Variants in CBLN3 observed in about 807,000 individuals in gnomAD.
The protein encoded by CBLN3 is cerebellin 3 precursor.
A neutral mutation model predicts 17.4 loss-of-function variants in CBLN3; 14 were observed. The observed-to-expected ratio is 0.81, with a 90% CI of 0.53 to 1.26. CBLN3 has a LOEUF of 1.26. CBLN3 is among the 50% of genes most tolerant of loss of function. The pLI, the probability that CBLN3 is intolerant of heterozygous loss-of-function variation, is 0.00. For missense variants in CBLN3, 263 were observed against 268.5 expected, an observed-to-expected ratio of 0.98 and a Z score of 0.14; for synonymous variants, 129 against 117.4, an observed-to-expected ratio of 1.10 and a Z score of -0.64.
chr14:24,428,641 G>T, intron 1 of CBLN3, 114 bp downstream of exon 1: 1 of 1,279,800 alleles, frequency 7.8e-7, no homozygotes, highest in Non-Finnish European at 1.1e-6. Context: ...ATTAGTGAAA[G>T]ATGTAGGAAG....
At chr14:24,428,662 A>T (rs1028077955) in intron 1 of CBLN3, 93 bp downstream of exon 1, 65 of 1,404,642 alleles carry the variant, frequency 4.6e-5, no homozygotes, top group Non-Finnish European at 1.6e-5. Flanking sequence ...CTGTTTTCTT[A>T]AAGCCTCAGA....
At position 24,427,838 on chromosome 14, in the gene CBLN3, C is replaced by T; in HGVS notation, c.569G>A (p.Gly190Asp). ...SLRLRRGNLL[G>D]GWKYSSFSGF... ...AGAGAAACTTGAGTATTTCCAACCACCCAGTAGATTCCCCCGACGCAGGCG... is the reference window on the plus strand; with the variant it reads ...AGAGAAACTTGAGTATTTCCAACCATCCAGTAGATTCCCCCGACGCAGGCG... The change falls in exon 3 of 3, where the codon GGT becomes GAT. Residue 190 changes from glycine to aspartate, a missense_variant. Coordinates refer to ENST00000267406, the MANE Select transcript of CBLN3 (RefSeq NM_001039771.3). This position sits in a 1 kb window ranked among gnomAD's most constrained non-coding sequence, Gnocchi z 4.4. 6.2e-7 allele frequency: 1 copy of T among 1,614,118 alleles called. No individual in the cohort carries two copies. Among genetic ancestry groups the T allele is most frequent in the Non-Finnish European group, 8.5e-7 (1 of 1,180,008 alleles).
chr14:24,429,396 A>G lies in CBLN3; in HGVS notation c.-342T>C. On this transcript the variant is annotated 5_prime_UTR_variant, in exon 1 of 3. Transcript: ENST00000267406. ...AGCACTGAGGGCTGGACCTGGGGGGATGGAGAACATGGTATGTGTGTGTGA... is the reference window on the plus strand; with the variant it reads ...AGCACTGAGGGCTGGACCTGGGGGGGTGGAGAACATGGTATGTGTGTGTGA... The G allele has an allele frequency of 5.2e-6, 3 of 580,650 alleles. No homozygotes were observed. Among genetic ancestry groups the G allele is most frequent in the Admixed American group, 2.2e-5 (1 of 46,110 alleles). 36.0% of individuals were successfully genotyped at this position (580,650 alleles called of 1,614,324 possible).
Position 24,427,688 on chromosome 14 carries a change from G to A in CBLN3, c.*101C>T. The A allele has an allele frequency of 9.3e-7, 1 of 1,073,398 alleles. No homozygotes were observed. Among genetic ancestry groups the A allele is most frequent in the Middle Eastern group, 2.1e-4 (1 of 4,744 alleles). The allele number at this position is 1,073,398 out of a possible 1,614,324, so 66.5% of individuals were successfully genotyped here. ...TCCCATGCAAAGAGGTGGGATAGGA[G>A]CCAGAGGGAGTCTCTCTCCTGCCTC... is the stretch of plus-strand genomic sequence containing the variant. On this transcript the variant is annotated 3_prime_UTR_variant, in exon 3 of 3. Coordinates refer to ENST00000267406, the MANE Select transcript of CBLN3 (RefSeq NM_001039771.3). This position sits in a 1 kb window ranked among gnomAD's most constrained non-coding sequence, Gnocchi z 4.4.
rs1327581039 is a variant in CBLN3 at position 24,428,996 on chromosome 14, A to G, written c.59T>C (p.Leu20Ser). 1.3e-6 allele frequency: 2 copies of G among 1,549,992 alleles called. No individual in the cohort carries two copies. The highest frequency in any genetic ancestry group is 4.9e-5 in the East Asian group (2 of 40,918). Residue 20 changes from leucine to serine, a missense_variant, in exon 1 of 3, where the codon TTG becomes TCG. Physicochemically the swap from Leu to Ser is moderately radical, Grantham distance 145. Transcript: ENST00000267406. ...CCCCAGGGCCAGAAGCACCAGAACC[A>G]AGGGCAGCCCGGGACTGTGTAGGGG... ...PGPLHSPGLPLVLVLLALGAG... is the reference protein window; with the variant it reads ...PGPLHSPGLPSVLVLLALGAG...
chr14:24,429,066 T>A lies in CBLN3; in HGVS notation c.-12A>T, dbSNP rs1386014545. On this transcript the variant is annotated 5_prime_UTR_variant, in exon 1 of 3. Transcript: ENST00000267406. Reference sequence around the variant, plus strand: ...TTGGCTCCCAACATGGCTGAGGGGCTCTGCAACCCACAAGTGCCCCGGTCT... The same window carrying A: ...TTGGCTCCCAACATGGCTGAGGGGCACTGCAACCCACAAGTGCCCCGGTCT... The A allele has an allele frequency of 6.8e-7, 1 of 1,480,570 alleles. No individual in the cohort carries two copies. The highest frequency in any genetic ancestry group is 9.0e-7 in the Non-Finnish European group (1 of 1,111,198). The allele number at this position is 1,480,570 out of a possible 1,614,324, so 91.7% of individuals were successfully genotyped here.
Position 24,428,323 on chromosome 14 carries a change from A to G in CBLN3, c.383T>C (p.Phe128Ser). The G allele has an allele frequency of 6.2e-7, 1 of 1,613,878 alleles. No individual in the cohort carries two copies. The highest frequency in any genetic ancestry group is 8.5e-7 in the Non-Finnish European group (1 of 1,179,882). ...APVRGVYSFR[F>S]HVVKVYNRQT... ...GCGGTTGTACACCTTCACCACATGG[A>G]ACCGGAAGCTGTAGACACCCCGGAC... is the stretch of plus-strand genomic sequence containing the variant. The change falls in exon 2 of 3, where the codon TTC becomes TCC. Residue 128 changes from phenylalanine (F) to serine (S), a missense_variant. Physicochemically the swap from Phe to Ser is radical, Grantham distance 155. Coordinates refer to ENST00000267406, the MANE Select transcript of CBLN3 (RefSeq NM_001039771.3).
In CBLN3 at chr14:24,428,994, C is replaced by T. The variant is rs2043056396; in HGVS notation, c.61G>A (p.Val21Ile). The T allele has an allele frequency of 6.5e-7, 1 of 1,549,828 alleles. No individual in the cohort carries two copies. The highest frequency in any genetic ancestry group is 1.4e-5 in the African/African-American group (1 of 73,038). The change falls in exon 1 of 3, where the codon GTT becomes ATT. Residue 21 changes from valine to isoleucine, a missense_variant. Physicochemically the swap from Val to Ile is conservative, Grantham distance 29. Coordinates refer to ENST00000267406, the MANE Select transcript of CBLN3 (RefSeq NM_001039771.3). ...GCCCCCAGGGCCAGAAGCACCAGAA[C>T]CAAGGGCAGCCCGGGACTGTGTAGG... ...GPLHSPGLPLVLVLLALGAGW... is the reference protein window; with the variant it reads ...GPLHSPGLPLILVLLALGAGW...
chr14:24,427,985 AC>A lies in CBLN3; in HGVS notation c.421del (p.Val141Ter), dbSNP rs779475393. ...AGGCCACGTGTTCAGCATCAGGCTC[AC>A]CTGGGGAGGGGAGCCCAGTTAGCCC... The part of the protein sequence containing the change: ...VKVYNRQTVQ[V>X]SLMLNTWPVI... On this transcript the variant is annotated frameshift_variant and splice_region_variant, in exon 3 of 3. Transcript: ENST00000267406. LOFTEE classifies it high-confidence loss of function. The surrounding 1 kb of genome is among the most constrained non-coding windows in gnomAD (Gnocchi z 4.4). The A allele has an allele frequency of 1.9e-6, 3 of 1,612,614 alleles. No individual in the cohort carries two copies. The Admixed American group carries it at 5.0e-5, about 27-fold the overall frequency.
intron 2 of CBLN3, 126 bp from the exon 3 acceptor site, chr14:24,428,112 C>A: frequency 7.6e-7 from 1 of 1,313,242 alleles, no homozygotes; most frequent in Non-Finnish European, 1.1e-6. Flanking sequence ...GAGGGGCGGC[C>A]AGCATTGGAC....
chr14:24,428,812 G>T lies in CBLN3; in HGVS notation c.243C>A (p.His81Gln). The T allele has an allele frequency of 6.2e-7, 1 of 1,611,698 alleles. No individual in the cohort carries two copies. The highest frequency in any genetic ancestry group is 1.1e-5 in the South Asian group (1 of 90,920). Residue 81 changes from histidine to glutamine, a missense_variant, in exon 1 of 3, where the codon CAC becomes CAA. Coordinates refer to ENST00000267406, the MANE Select transcript of CBLN3 (RefSeq NM_001039771.3). ...TGCCGGTTTCCCCTGCTGGCTCATGGTGGTGGCTTCGGACCGCAGCAAATG... is the reference window on the plus strand; with the variant it reads ...TGCCGGTTTCCCCTGCTGGCTCATGTTGGTGGCTTCGGACCGCAGCAAATG... ...RVAFAAVRSHHHEPAGETGNG... is the reference protein window; with the variant it reads ...RVAFAAVRSHQHEPAGETGNG...
chr14:24,427,982 C>T lies in CBLN3; in HGVS notation c.425G>A (p.Ser142Asn). The change falls in exon 3 of 3, where the codon AGC becomes AAC. Residue 142 changes from serine to asparagine, a missense_variant. Coordinates refer to ENST00000267406, the MANE Select transcript of CBLN3 (RefSeq NM_001039771.3). The surrounding 1 kb of genome is among the most constrained non-coding windows in gnomAD (Gnocchi z 4.4). ...GACAGGCCACGTGTTCAGCATCAGGCTCACCTGGGGAGGGGAGCCCAGTTA... is the reference window on the plus strand; with the variant it reads ...GACAGGCCACGTGTTCAGCATCAGGTTCACCTGGGGAGGGGAGCCCAGTTA... The part of the protein sequence containing the change: ...KVYNRQTVQV[S>N]LMLNTWPVIS... 6.2e-7 allele frequency: 1 copy of T among 1,613,100 alleles called. No individual in the cohort carries two copies. The highest frequency in any genetic ancestry group is 1.1e-5 in the South Asian group (1 of 91,064).
chr14:24,427,561 G>A lies in CBLN3; in HGVS notation c.*228C>T, dbSNP rs2043032174. Reference sequence around the variant, plus strand: ...AGGGCTGCAGGCAGGAACAGATGCAGCAGGTGGCTGGGAGGGTAACTGGGG... The same window carrying A: ...AGGGCTGCAGGCAGGAACAGATGCAACAGGTGGCTGGGAGGGTAACTGGGG... On this transcript the variant is annotated 3_prime_UTR_variant, in exon 3 of 3. Transcript: ENST00000267406. The surrounding 1 kb of genome is among the most constrained non-coding windows in gnomAD (Gnocchi z 4.4). The A allele has an allele frequency of 1.8e-6, 1 of 555,088 alleles. No individual in the cohort carries two copies. The highest frequency in any genetic ancestry group is 3.1e-5 in the East Asian group (1 of 32,230). The allele number at this position is 555,088 out of a possible 1,614,324, so 34.4% of individuals were successfully genotyped here.
At position 24,427,315 on chromosome 14, in the gene CBLN3, C is replaced by T. The variant is rs188049847; in HGVS notation, c.*474G>A. 1.1e-4 allele frequency: 21 copies of T among 184,244 alleles called. No homozygotes were observed. Among genetic ancestry groups the T allele is most frequent in the Middle Eastern group, 4.7e-3 (2 of 422 alleles). 11.4% of individuals were successfully genotyped at this position (184,244 alleles called of 1,614,324 possible). On this transcript the variant is annotated 3_prime_UTR_variant, in exon 3 of 3. Coordinates refer to ENST00000267406, the MANE Select transcript of CBLN3 (RefSeq NM_001039771.3). The surrounding 1 kb of genome is among the most constrained non-coding windows in gnomAD (Gnocchi z 4.4). ...CATACGGTGCTGGTTCAGCTTCTGA[C>T]GGTGCTGGCTGAGATCCGTGATGCT...
In CBLN3 at chr14:24,429,228, G is replaced by A; in HGVS notation, c.-174C>T. 1.4e-6 allele frequency: 1 copy of A among 698,328 alleles called. No individual in the cohort carries two copies. The highest frequency in any genetic ancestry group is 2.4e-6 in the Non-Finnish European group (1 of 411,874). The allele number at this position is 698,328 out of a possible 1,614,324, so 43.3% of individuals were successfully genotyped here. The stretch of plus-strand genomic sequence containing the variant: ...TGTCCTGCCTCCCACTCTTACTCCT[G>A]CTGTCACTGCAGTTCCCTCCTCCTT... On this transcript the variant is annotated 5_prime_UTR_variant, in exon 1 of 3. Coordinates refer to ENST00000267406, the MANE Select transcript of CBLN3 (RefSeq NM_001039771.3).
Position 24,427,368 on chromosome 14 carries a change from GGGTACGCTGA to G in CBLN3, c.*411_*420del, listed in dbSNP as rs1173363610. 1.0e-5 allele frequency: 2 copies of G among 195,632 alleles called. No homozygotes were observed. The highest frequency in any genetic ancestry group is 1.8e-4 in the South Asian group (2 of 11,236). The allele number at this position is 195,632 out of a possible 1,614,324, so 12.1% of individuals were successfully genotyped here. ...CTTTCCTCACAGGAAGAAGCCTGCA[GGGTACGCTGA>G]GGCTTGTCCATCTGGGCTCCTGTGG... is the stretch of plus-strand genomic sequence containing the variant. On this transcript the variant is annotated 3_prime_UTR_variant, in exon 3 of 3. Transcript: ENST00000267406. The surrounding 1 kb of genome is among the most constrained non-coding windows in gnomAD (Gnocchi z 4.4).
Position 24,428,302 on chromosome 14 carries a change from T to C in CBLN3, c.404A>G (p.Asn135Ser), listed in dbSNP as rs1460159808. The change falls in exon 2 of 3, where the codon AAC becomes AGC. Residue 135 changes from asparagine (N) to serine (S), a missense_variant. Coordinates refer to ENST00000267406, the MANE Select transcript of CBLN3 (RefSeq NM_001039771.3). ...TGAGGTCACCTGGACAGTTTGGCGG[T>C]TGTACACCTTCACCACATGGAACCG... ...SFRFHVVKVYNRQTVQVSLML... is the reference protein window; with the variant it reads ...SFRFHVVKVYSRQTVQVSLML... The C allele has an allele frequency of 6.2e-7, 1 of 1,613,714 alleles. No individual in the cohort carries two copies. The highest frequency in any genetic ancestry group is 8.5e-7 in the Non-Finnish European group (1 of 1,179,852).
chr14:24,427,494 G>A lies in CBLN3; in HGVS notation c.*295C>T, dbSNP rs113791311. ...GAACCGGAGGAGCAGAGGCCGCAAAGTAGTGCAGATCTTCCTTCTTGCCAA... is the reference window on the plus strand; with the variant it reads ...GAACCGGAGGAGCAGAGGCCGCAAAATAGTGCAGATCTTCCTTCTTGCCAA... On this transcript the variant is annotated 3_prime_UTR_variant, in exon 3 of 3. Coordinates refer to ENST00000267406, the MANE Select transcript of CBLN3 (RefSeq NM_001039771.3). This position sits in a 1 kb window ranked among gnomAD's most constrained non-coding sequence, Gnocchi z 4.4. The A allele has an allele frequency of 3.3e-3, 1,283 of 392,270 alleles. 18 individuals are homozygous for A. Among genetic ancestry groups the A allele is most frequent in the African/African-American group, 0.024 (1,145 of 48,128 alleles). The allele number at this position is 392,270 out of a possible 1,614,324, so 24.3% of individuals were successfully genotyped here.
Position 24,427,713 on chromosome 14 carries a change from C to T in CBLN3, c.*76G>A, listed in dbSNP as rs2043033797. 1.5e-6 allele frequency: 2 copies of T among 1,376,220 alleles called. No homozygotes were observed. Among genetic ancestry groups the T allele is most frequent in the Non-Finnish European group, 2.1e-6 (2 of 971,706 alleles). 85.3% of individuals were successfully genotyped at this position (1,376,220 alleles called of 1,614,324 possible). A position where few individuals can be genotyped will look rare whatever the true frequency, so the allele number is the denominator to read the frequency against. On this transcript the variant is annotated 3_prime_UTR_variant, in exon 3 of 3. Transcript: ENST00000267406. This position sits in a 1 kb window ranked among gnomAD's most constrained non-coding sequence, Gnocchi z 4.4. ...GCCAGAGGGAGTCTCTCTCCTGCCT[C>T]TGCTGTTTCTGGGGCAAGAGAGGGC... is the stretch of plus-strand genomic sequence containing the variant.
Sources: gnomAD v4.1 joint callset for allele counts on GRCh38, gnomAD v4.1.1 for gene constraint, Gnocchi (gnomAD v3.1) non-coding constraint, MANE v1.5 for transcripts, NCBI Gene and HGNC (gene_info 2026-07-23, HGNC 2026-07-21) for gene names.